TANC1: variants seen among roughly 807,000 people sequenced by gnomAD.
TANC1 encodes protein TANC1.
In TANC1, 77 loss-of-function variants were observed where a neutral mutation model predicts 149.7. The ratio of observed to expected loss-of-function variants is 0.51; its 90% CI spans 0.43 to 0.62. TANC1 has a LOEUF of 0.62. TANC1 is among the 20% of genes least tolerant of loss of function. The probability of loss-of-function intolerance (pLI) is 0.00; values close to 1 mark genes in which losing one functional copy is unlikely to be tolerated. For synonymous variants in TANC1, 854 were observed against 925.0 expected (o/e 0.92, Z 1.39); for missense variants, 1,985 against 2,321.8 (o/e 0.85, Z 2.98).
chr2:159,186,369 A>G (rs2056969458), intron 15 of TANC1, among the ~76,000 whole-genome samples: 1 of 152,156 alleles, frequency 6.6e-6, no homozygotes, highest in Non-Finnish European at 1.5e-5. Flanking sequence ...CCTCCCAAGT[A>G]ACTGGGACTA....
intron 2 of TANC1, among the ~76,000 whole-genome samples, chr2:159,059,029 T>A (rs1186047046): frequency 1.3e-5 from 2 of 152,232 alleles, no homozygotes; most frequent in African/African-American, 4.8e-5. Context: ...TTTACTATGC[T>A]TTTTAATAAC....
rs536198501 is a variant in TANC1, at chr2:159,039,821, TA to T, written c.-15-26074del. ...GTGATGTGGTGCTGAGAAGAATGTATATTCTGTTGATTTGGGGTGGAGAGTT... is the reference window on the plus strand; with the variant it reads ...GTGATGTGGTGCTGAGAAGAATGTATTTCTGTTGATTTGGGGTGGAGAGTT... On this transcript the variant is annotated intron_variant, in intron 2 of 26. Transcript: ENST00000263635. Among the ~76,000 whole-genome samples, 5 of 152,346 alleles carry T rather than the reference TA, an allele frequency of 3.3e-5. No individual in the cohort carries two copies. The South Asian group carries it at 1.0e-3, about 32-fold the overall frequency.
intron 3 of TANC1, among the ~76,000 whole-genome samples, chr2:159,066,368 A>G (rs2042667893): frequency 6.6e-6 from 1 of 152,116 alleles, no homozygotes; most frequent in Admixed American, 6.5e-5. Flanking sequence ...GAGCTATGAT[A>G]AAGCCACTGT....
chr2:159,229,203 G>C (rs1308694239), intron 26 of TANC1, among the ~76,000 whole-genome samples: 5 of 152,078 alleles, frequency 3.3e-5, no homozygotes, highest in Admixed American at 3.3e-4. Flanking sequence ...CTGCCAACTA[G>C]GGACATTAGG....
intron 8 of TANC1, among the ~76,000 whole-genome samples, chr2:159,163,838 A>G (rs934797740): frequency 1.4e-5 from 2 of 138,542 alleles, no homozygotes; most frequent in African/African-American, 2.7e-5. Context: ...TTTTTGTTTT[A>G]AGCCTTAGAA....
intron 4 of TANC1, among the ~76,000 whole-genome samples, chr2:159,098,703 C>T (rs1201122417): frequency 6.6e-6 from 1 of 151,930 alleles, no homozygotes; most frequent in Non-Finnish European, 1.5e-5. Context: ...TTTTGGCTTC[C>T]CTCTATCAAT....
At chr2:159,098,832 T>TC (rs2046389714) in intron 4 of TANC1, among the ~76,000 whole-genome samples, 1 of 149,152 alleles carries the variant, frequency 6.7e-6, no homozygotes, top group South Asian at 2.1e-4. Context: ...ATTCTTGGAT[T>TC]TTTTTTTTTT....
intron 19 of TANC1, among the ~76,000 whole-genome samples, chr2:159,209,142 C>T (rs2058824004): frequency 1.3e-5 from 2 of 152,238 alleles, no homozygotes; most frequent in African/African-American, 4.8e-5. Context: ...GCGCCCCAGC[C>T]TGCAGAAGCT....
rs2059148808 is a variant in TANC1 at position 159,213,639 on chromosome 2, C to A, written c.3245-3858C>A. On this transcript the variant is annotated intron_variant, in intron 19 of 26. Coordinates refer to ENST00000263635, the MANE Select transcript of TANC1 (RefSeq NM_033394.3). ...CCTTCAGTATTTTGTTCTGGTTGCA[C>A]TGTCTTGAAAGAATCCACTTCGTCA... Among the ~76,000 whole-genome samples the A allele has an allele frequency of 2.0e-5, 3 of 152,086 alleles. No individual in the cohort carries two copies. In the South Asian group the frequency reaches 6.2e-4, roughly 32 times the overall value.
chr2:159,018,105 G>T (rs564918810), intron 2 of TANC1, among the ~76,000 whole-genome samples: 1 of 152,144 alleles, frequency 6.6e-6, no homozygotes, highest in East Asian at 1.9e-4. Context: ...TGGCAGGAAG[G>T]CTTCCATTTT....
chr2:159,071,703 G>A (rs2043168566), intron 3 of TANC1, among the ~76,000 whole-genome samples: 2 of 152,146 alleles, frequency 1.3e-5, no homozygotes, highest in Non-Finnish European at 2.9e-5. Flanking sequence ...GTTTTATGTA[G>A]AAAATACGAA....
chr2:159,094,801 G>C (rs2045930168), intron 3 of TANC1, among the ~76,000 whole-genome samples: 1 of 151,812 alleles, frequency 6.6e-6, no homozygotes, highest in East Asian at 1.9e-4. Context: ...CCAGCCTGGG[G>C]GCCACTGCTG....
At chr2:159,105,120 G>A (rs1412286508) in intron 4 of TANC1, among the ~76,000 whole-genome samples, 1 of 139,510 alleles carries the variant, frequency 7.2e-6, no homozygotes, top group African/African-American at 2.6e-5. Flanking sequence ...TCAGCCTTCC[G>A]AGTAGCTGGG....
At chr2:159,225,374 A>T in intron 23 of TANC1, 1 of 430,616 alleles carries the variant, frequency 2.3e-6, no homozygotes. Context: ...GGAACTGAGG[A>T]GGTTATGCTA....
At chr2:159,207,008 G>A (rs866245761) in intron 19 of TANC1, among the ~76,000 whole-genome samples, 1 of 152,182 alleles carries the variant, frequency 6.6e-6, no homozygotes, top group South Asian at 2.1e-4. Flanking sequence ...GATGGCTTAT[G>A]TTGTTGATCT....
rs759435249 is a variant in TANC1, at chr2:159,196,639, C to T, written c.3011C>T (p.Ala1004Val). The change falls in exon 18 of 27, where the codon GCG (alanine) becomes GTG (valine). Residue 1004 changes from alanine (A) to valine (V), a missense_variant. This residue lies in a region of TANC1 where 508 missense variants were observed against 714.2 expected (regional missense o/e 0.71). Coordinates refer to ENST00000263635, the MANE Select transcript of TANC1 (RefSeq NM_033394.3). ...VDHLDKKGQCALVHSALRGHG... is the reference protein window; with the variant it reads ...VDHLDKKGQCVLVHSALRGHG... ...CACTTGGATAAGAAGGGCCAGTGTG[C>T]GCTTGTCCACAGTGCCCTACGGGGC... 8 of 1,611,150 alleles carry T rather than the reference C, an allele frequency of 5.0e-6. No individual in the cohort carries two copies. Among genetic ancestry groups the T allele is most frequent in the Non-Finnish European group, 5.9e-6 (7 of 1,178,018 alleles).
chr2:159,002,758 G>A (rs374011171), intron 2 of TANC1, among the ~76,000 whole-genome samples: 109 of 152,318 alleles, frequency 7.2e-4, no homozygotes, highest in African/African-American at 2.2e-3. Context: ...TCTTGCTGGT[G>A]GTTCTACAAT....
chr2:159,040,421 C>G (rs2040537351), intron 2 of TANC1, among the ~76,000 whole-genome samples: 2 of 152,178 alleles, frequency 1.3e-5, no homozygotes, highest in Admixed American at 6.5e-5. Flanking sequence ...TTGGTCTTTT[C>G]ACATAGTCCC....
intron 3 of TANC1, among the ~76,000 whole-genome samples, chr2:159,096,930 T>A (rs1021248404): frequency 1.2e-4 from 19 of 152,274 alleles, no homozygotes; most frequent in African/African-American, 4.3e-4. Context: ...CATACTGGTT[T>A]TTTTGAGGAG....
Sources: gnomAD v4.1 joint callset for allele counts (sites outside exome capture counted in the v4.1 genomes callset) on GRCh38, gnomAD v4.1.1 for gene constraint, gnomAD v4.1.1 regional missense constraint, MANE v1.5 for transcripts, NCBI Gene and HGNC (gene_info 2026-07-23, HGNC 2026-07-21) for gene names.